The following ACYP2 variants were observed in gnomAD, a reference collection of about 807,000 sequenced individuals.
ACYP2 encodes the protein acylphosphatase-2.
A neutral mutation model predicts 11.2 loss-of-function variants in ACYP2; 12 were observed. That is an observed-to-expected ratio of 1.08 (90% CI 0.69 to 1.74). The LOEUF (loss-of-function observed/expected upper bound fraction) is 1.74, where lower values mean the gene tolerates loss of function less well. Ranked by LOEUF, ACYP2 falls within the 40% of genes most tolerant of loss-of-function variation. The pLI, the probability that ACYP2 is intolerant of heterozygous loss-of-function variation, is 0.00. For missense variants in ACYP2, 134 were observed against 101.9 expected, an observed-to-expected ratio of 1.31 and a Z score of -1.35; for synonymous variants, 43 against 32.2, an observed-to-expected ratio of 1.33 and a Z score of -1.13.
At chr2:54,192,486 A>T (rs1296435919) in intron 6 of ACYP2, among the ~76,000 whole-genome samples, 1 of 152,180 alleles carries the variant, frequency 6.6e-6, no homozygotes, top group Non-Finnish European at 1.5e-5. Context: ...GCACTGTTTA[A>T]AATACAAATG....
intron 6 of ACYP2, among the ~76,000 whole-genome samples, chr2:54,198,815 A>G (rs1331690727): frequency 1.3e-5 from 2 of 152,188 alleles, no homozygotes; most frequent in Non-Finnish European, 2.9e-5. Context: ...TCATACATGC[A>G]TATGTACTTT....
At chr2:54,264,518 G>A (rs1392858613) in intron 6 of ACYP2, among the ~76,000 whole-genome samples, 1 of 152,194 alleles carries the variant, frequency 6.6e-6, no homozygotes, top group Non-Finnish European at 1.5e-5. Context: ...GGCAGAAGCA[G>A]GAGACTAGCC....
chr2:54,254,864 G>C (rs901425184), intron 6 of ACYP2: 1 of 1,555,546 alleles, frequency 6.4e-7, no homozygotes, highest in African/African-American at 1.4e-5. Context: ...CCCAAGCTCA[G>C]GTCCAGCTGG....
intron 6 of ACYP2, chr2:54,255,065 C>A: frequency 6.2e-7 from 1 of 1,614,126 alleles, no homozygotes; most frequent in Non-Finnish European, 8.5e-7. Context: ...GCAATCCTGT[C>A]GGACTCTGGA....
At chr2:54,060,473 GTTTTGTTT>G (rs1676410179) in intron 4 of ACYP2, among the ~76,000 whole-genome samples, 1 of 152,010 alleles carries the variant, frequency 6.6e-6, no homozygotes, top group South Asian at 2.1e-4. Flanking sequence ...TTTTAGTAAA[GTTTTGTTT>G]TGTTCCTTTT....
intron 2 of ACYP2, among the ~76,000 whole-genome samples, chr2:54,040,903 G>GTTTCCT (rs1675185660): frequency 6.6e-6 from 1 of 152,092 alleles, no homozygotes; most frequent in Non-Finnish European, 1.5e-5. Context: ...GAGGTCAACA[G>GTTTCCT]AGGGTTTTTC....
intron 6 of ACYP2, among the ~76,000 whole-genome samples, chr2:54,184,845 A>ATT (rs545856270): frequency 1.6e-4 from 22 of 139,152 alleles, no homozygotes; most frequent in African/African-American, 4.0e-4. Flanking sequence ...CATTTAAGCA[A>ATT]TTTTTTTTTT....
At chr2:54,194,336 A>T (rs1307914957) in intron 6 of ACYP2, among the ~76,000 whole-genome samples, 1 of 152,088 alleles carries the variant, frequency 6.6e-6, no homozygotes, top group Non-Finnish European at 1.5e-5. Context: ...CACCGCGCCC[A>T]GCCCCCATCA....
chr2:54,244,958 G>C (rs1463405905), intron 6 of ACYP2, among the ~76,000 whole-genome samples: 1 of 152,026 alleles, frequency 6.6e-6, no homozygotes, highest in Non-Finnish European at 1.5e-5. Context: ...TCACCCTATA[G>C]TGCTATAAAA....
chr2:53,975,056 C>G, intron 2 of ACYP2, among the ~76,000 whole-genome samples: 1 of 152,060 alleles, frequency 6.6e-6, no homozygotes, highest in East Asian at 1.9e-4. Context: ...GACACCCCGT[C>G]TCTACTAAAA....
intron 6 of ACYP2, among the ~76,000 whole-genome samples, chr2:54,147,620 G>A (rs1243403426): frequency 6.6e-6 from 1 of 152,044 alleles, no homozygotes; most frequent in Non-Finnish European, 1.5e-5. Flanking sequence ...GATCTCCTGG[G>A]CTCAAGTGAT....
chr2:54,197,056 A>AC (rs1047865654), intron 6 of ACYP2, among the ~76,000 whole-genome samples: 2 of 152,026 alleles, frequency 1.3e-5, no homozygotes, highest in Non-Finnish European at 2.9e-5. Flanking sequence ...TAGTATTATA[A>AC]CCCCCCTTTA....
chr2:54,044,058 G>A (rs1484676279), intron 2 of ACYP2, among the ~76,000 whole-genome samples: 2 of 152,140 alleles, frequency 1.3e-5, no homozygotes, highest in Non-Finnish European at 2.9e-5. Flanking sequence ...GCCCCATCAA[G>A]GACAGAGACG....
intron 6 of ACYP2, among the ~76,000 whole-genome samples, chr2:54,205,032 A>G (rs560336608): frequency 6.6e-6 from 1 of 151,826 alleles, no homozygotes; most frequent in African/African-American, 2.4e-5. Context: ...CCCCTTAAAC[A>G]TTCTTATTAC....
At chr2:54,257,102 A>G (rs577742731) in intron 6 of ACYP2, among the ~76,000 whole-genome samples, 1 of 152,240 alleles carries the variant, frequency 6.6e-6, no homozygotes, top group South Asian at 2.1e-4. Flanking sequence ...ACCTGGGCAC[A>G]GTGCCTCACA....
intron 2 of ACYP2, chr2:53,975,522 C>G (rs1468335367): frequency 2.7e-6 from 1 of 373,680 alleles, no homozygotes; most frequent in Non-Finnish European, 4.7e-6. Flanking sequence ...GAGACACTGC[C>G]AAAGGATAAC....
intron 6 of ACYP2, among the ~76,000 whole-genome samples, chr2:54,165,895 A>C (rs1682948193): frequency 6.6e-6 from 1 of 152,176 alleles, no homozygotes; most frequent in Non-Finnish European, 1.5e-5. Flanking sequence ...TATCTCTCTA[A>C]AAGTCCTAGA....
chr2:54,197,384 C>T (rs950731342), intron 6 of ACYP2, among the ~76,000 whole-genome samples: 2 of 152,182 alleles, frequency 1.3e-5, no homozygotes, highest in Non-Finnish European at 2.9e-5. Flanking sequence ...TCCCATCTTC[C>T]CCAGGGGCAT....
chr2:54,257,977 A>G (rs1687628301), intron 6 of ACYP2, among the ~76,000 whole-genome samples: 1 of 152,200 alleles, frequency 6.6e-6, no homozygotes, highest in Non-Finnish European at 1.5e-5. Flanking sequence ...ATCCATTTTT[A>G]TATTTATTAA....
Sources: allele counts gnomAD v4.1 joint callset (sites outside exome capture counted in the v4.1 genomes callset), GRCh38; gene constraint gnomAD v4.1.1; transcripts MANE v1.5; gene names NCBI Gene and HGNC (gene_info 2026-07-23, HGNC 2026-07-21).